The following ARHGAP24 variants were observed in gnomAD, a reference collection of about 807,000 sequenced individuals.
ARHGAP24 encodes Rho GTPase activating protein 24.
A neutral mutation model predicts 76.4 loss-of-function variants in ARHGAP24; 50 were observed. The ratio of observed to expected loss-of-function variants is 0.65; its 90% CI spans 0.52 to 0.83. The LOEUF is 0.83. ARHGAP24 is among the 40% of genes least tolerant of loss of function. ARHGAP24 has a pLI of 0.00. For synonymous variants in ARHGAP24, 345 were observed against 323.3 expected, an observed-to-expected ratio of 1.07 and a Z score of -0.72; for missense variants, 930 against 914.2, an observed-to-expected ratio of 1.02 and a Z score of -0.22.
chr4:85,706,374 T>A (rs1724308169), intron 2 of ARHGAP24, among the ~76,000 whole-genome samples: 1 of 152,086 alleles, frequency 6.6e-6, no homozygotes, highest in Non-Finnish European at 1.5e-5. Flanking sequence ...TAATGTAAAA[T>A]TTCATCTTGC....
chr4:85,553,497 G>A (rs1039841684), intron 1 of ARHGAP24, among the ~76,000 whole-genome samples: 4 of 151,738 alleles, frequency 2.6e-5, no homozygotes, highest in African/African-American at 2.4e-5. Context: ...GACACAGAGC[G>A]CTGATTGGTG....
chr4:85,918,800 G>A (rs9990941), intron 3 of ARHGAP24, among the ~76,000 whole-genome samples: 25,030 of 152,094 alleles, frequency 0.16, 2,287 homozygotes, highest in South Asian at 0.34. Flanking sequence ...AAAATTGAAT[G>A]ATGTGGCCAA....
At chr4:85,533,670 T>G (rs561912869) in intron 1 of ARHGAP24, among the ~76,000 whole-genome samples, 1 of 152,312 alleles carries the variant, frequency 6.6e-6, no homozygotes, top group East Asian at 1.9e-4. Context: ...CTGAAATATA[T>G]CTTTCAGTCT....
chr4:85,864,041 T>G (rs1732051932), intron 3 of ARHGAP24, among the ~76,000 whole-genome samples: 2 of 152,076 alleles, frequency 1.3e-5, no homozygotes, highest in African/African-American at 4.8e-5. Context: ...CTTAATCTTC[T>G]TATGCAAATG....
At position 85,798,212 on chromosome 4, in the gene ARHGAP24, C is replaced by A. The variant is rs114543634; in HGVS notation, c.268+76240C>A. Reference sequence around the variant, plus strand: ...TATTCCCCGAGCAATAGTGGTATGCCTGTGTCATCTGATATAACTCAACAA... The same window carrying A: ...TATTCCCCGAGCAATAGTGGTATGCATGTGTCATCTGATATAACTCAACAA... On this transcript the variant is annotated intron_variant, in intron 3 of 9. Coordinates refer to ENST00000395184, the MANE Select transcript of ARHGAP24 (RefSeq NM_001025616.3). Among the ~76,000 whole-genome samples, 1,009 of 152,242 alleles carry A rather than the reference C, an allele frequency of 6.6e-3. 6 individuals are homozygous for A. Among genetic ancestry groups the A allele is most frequent in the Non-Finnish European group, 0.011 (719 of 68,020 alleles).
At chr4:85,641,812 C>G (rs1241394046) in intron 2 of ARHGAP24, among the ~76,000 whole-genome samples, 3 of 152,158 alleles carry the variant, frequency 2.0e-5, no homozygotes, top group Admixed American at 6.5e-5. Flanking sequence ...CACACCCTTC[C>G]TGGCACACTC....
At chr4:85,584,480 T>G (rs2109974965) in intron 2 of ARHGAP24, among the ~76,000 whole-genome samples, 1 of 150,866 alleles carries the variant, frequency 6.6e-6, no homozygotes, top group East Asian at 2.0e-4. Flanking sequence ...TTAGGAGATA[T>G]ACCTAATGCT....
intron 3 of ARHGAP24, among the ~76,000 whole-genome samples, chr4:85,801,555 T>C (rs1728578258): frequency 6.6e-6 from 1 of 152,254 alleles, no homozygotes; most frequent in Non-Finnish European, 1.5e-5. Context: ...GGCATATGTA[T>C]AGATGGTGTC....
chr4:85,534,979 T>C (rs1725410961), intron 1 of ARHGAP24, among the ~76,000 whole-genome samples: 1 of 151,760 alleles, frequency 6.6e-6, no homozygotes, highest in African/African-American at 2.4e-5. Context: ...AAACAAAACT[T>C]TCCTAAAGCT....
chr4:85,822,932 A>C (rs903650546), intron 3 of ARHGAP24, among the ~76,000 whole-genome samples: 1 of 152,190 alleles, frequency 6.6e-6, no homozygotes, highest in Non-Finnish European at 1.5e-5. Context: ...ATGTGTACCC[A>C]TGAATATTTT....
At chr4:85,525,653 G>A (rs1172337366) in intron 1 of ARHGAP24, among the ~76,000 whole-genome samples, 1 of 152,064 alleles carries the variant, frequency 6.6e-6, no homozygotes, top group Non-Finnish European at 1.5e-5. Flanking sequence ...CATATTTGTA[G>A]CTCATTAAAT....
intron 2 of ARHGAP24, among the ~76,000 whole-genome samples, chr4:85,625,788 G>A (rs923492551): frequency 6.6e-6 from 1 of 152,132 alleles, no homozygotes; most frequent in Non-Finnish European, 1.5e-5. Flanking sequence ...AGGATAGTTA[G>A]CTCTTCTTAT....
At chr4:85,745,280 A>G (rs1390910439) in intron 3 of ARHGAP24, among the ~76,000 whole-genome samples, 1 of 146,452 alleles carries the variant, frequency 6.8e-6, no homozygotes, top group Non-Finnish European at 1.5e-5. Flanking sequence ...AGTAACTACT[A>G]ATATATACCG....
At chr4:85,860,056 A>G (rs960473392) in intron 3 of ARHGAP24, among the ~76,000 whole-genome samples, 2 of 152,170 alleles carry the variant, frequency 1.3e-5, no homozygotes, top group Non-Finnish European at 1.5e-5. Context: ...ACAATAAATT[A>G]TAAAAACATG....
chr4:85,754,501 T>C (rs764659995), intron 3 of ARHGAP24, among the ~76,000 whole-genome samples: 4 of 152,194 alleles, frequency 2.6e-5, no homozygotes, highest in Non-Finnish European at 5.9e-5. Context: ...TTAGTGATGT[T>C]TAAGTTCTCA....
chr4:85,570,392 TTCTTTCTTTCTTTCTTTCTTTCTTTCC>T, intron 1 of ARHGAP24, 103 bp from the exon 2 acceptor site: 4 of 10,988 alleles, frequency 3.6e-4, no homozygotes, highest in South Asian at 2.0e-3. Context: ...CTTTCTTTCT[TTCTTTCTTTCTTTCTTTCTTTCTTTCC>T]TCTCTCTCTC....
At chr4:85,833,377 A>ATT (rs200699207) in intron 3 of ARHGAP24, among the ~76,000 whole-genome samples, 1 of 151,236 alleles carries the variant, frequency 6.6e-6, no homozygotes, top group African/African-American at 2.4e-5. Context: ...AGGTCTCTGG[A>ATT]TTTTTTTTTC....
intron 3 of ARHGAP24, among the ~76,000 whole-genome samples, chr4:85,878,813 C>T (rs1228491471): frequency 1.3e-5 from 2 of 152,258 alleles, no homozygotes; most frequent in East Asian, 3.9e-4. Context: ...TTTGTCTTCT[C>T]CCTGCAATAT....
At chr4:85,597,581 G>A (rs992553) in intron 2 of ARHGAP24, among the ~76,000 whole-genome samples, 137,277 of 151,974 alleles carry the variant, frequency 0.9, 62,122 homozygotes, top group East Asian at 0.98. Context: ...TCTGTTTTAC[G>A]TAGAATCTCT....
Sources: gnomAD v4.1 joint callset for allele counts (sites outside exome capture counted in the v4.1 genomes callset) on GRCh38, gnomAD v4.1.1 for gene constraint, MANE v1.5 for transcripts, NCBI Gene and HGNC (gene_info 2026-07-23, HGNC 2026-07-21) for gene names.